Variants in PLK2 observed in about 807,000 individuals in gnomAD.
PLK2 encodes the protein serine/threonine-protein kinase PLK2.
PLK2 carries 25 observed loss-of-function variants against 78.1 expected under a neutral mutation model. The observed-to-expected ratio is 0.32, with a 90% CI of 0.23 to 0.45. PLK2 has a LOEUF of 0.45. PLK2 is among the 20% of genes least tolerant of loss of function. The pLI is 1.00. For missense variants in PLK2, 566 were observed against 840.2 expected (o/e 0.67, Z 4.04); for synonymous variants, 332 against 298.2 (o/e 1.11, Z -1.17).
At position 58,457,219 on chromosome 5, in the gene PLK2, T is replaced by A; in HGVS notation, c.970A>T (p.Ser324Cys). ...MLSKNPEDRP[S>C]LDDIIRHDFF... ...TCATGTCGAATGATGTCATCCAAAC[T>A]GGGACGATCCTCTGGGTTTTTGGAC... The change falls in exon 7 of 14, where the codon AGT becomes TGT. Residue 324 changes from serine (S) to cysteine (C), a missense_variant. By Grantham distance (112) the Ser-to-Cys change is moderately radical. Transcript: ENST00000274289. 1 of 1,614,062 alleles carries A rather than the reference T, an allele frequency of 6.2e-7. No individual in the cohort carries two copies.
chr5:58,457,835 C>A (rs1743649632), intron 5 of PLK2: 2 of 589,086 alleles, frequency 3.4e-6, no homozygotes, highest in Admixed American at 6.2e-5. Flanking sequence ...CCAACTAAAG[C>A]CAGGGACGTC....
In PLK2 at chr5:58,454,338, G is replaced by GA. The variant is rs969221680; in HGVS notation, c.*244dup. 28 of 380,776 alleles carry GA rather than the reference G, an allele frequency of 7.4e-5. No homozygotes were observed. The highest frequency in any genetic ancestry group is 5.5e-4 in the African/African-American group (27 of 48,834). The allele number at this position is 380,776 out of a possible 1,614,324, so 23.6% of individuals were successfully genotyped here. On this transcript the variant is annotated 3_prime_UTR_variant, in exon 14 of 14. Coordinates refer to ENST00000274289, the MANE Select transcript of PLK2 (RefSeq NM_006622.4). ...AATGCACCTTTCTGCAAAATTGTCT[G>GA]AAAAACCTTTTAAAACAGGTATCTC...
chr5:58,456,151 A>G lies in PLK2; in HGVS notation c.1259T>C (p.Leu420Pro), dbSNP rs1743597169. Residue 420 changes from leucine to proline, a missense_variant, in exon 10 of 14, where the codon CTC becomes CCC. Around this residue, in one of 5 missense-constraint regions of PLK2, gnomAD observed 129 missense variants for 156.0 expected, o/e 0.83. Coordinates refer to ENST00000274289, the MANE Select transcript of PLK2 (RefSeq NM_006622.4). The stretch of plus-strand genomic sequence containing the variant: ...GGCAACTGTGGTGGTAGGTGGCTGG[A>G]GCTCCTTAGAAGAGAGAAGATTTAT... ...QPSKHRTDEE[L>P]QPPTTTVARS... 1.2e-6 allele frequency: 2 copies of G among 1,612,850 alleles called. No homozygotes were observed. Among genetic ancestry groups the G allele is most frequent in the South Asian group, 2.2e-5 (2 of 90,810 alleles).
In PLK2 at chr5:58,456,483, C is replaced by A. The variant is rs764502921; in HGVS notation, c.1254+9G>T. 5.1e-6 allele frequency: 8 copies of A among 1,558,550 alleles called. No homozygotes were observed. Among genetic ancestry groups the A allele is most frequent in the Non-Finnish European group, 7.1e-6 (8 of 1,133,178 alleles). On this transcript the variant is annotated intron_variant, in intron 9 of 13. Coordinates refer to ENST00000274289, the MANE Select transcript of PLK2 (RefSeq NM_006622.4). ...GCGTGAGTATCTACTTTACTCTTTC[C>A]CAACACACCTCATCTGTCCTGTGTT... is the stretch of plus-strand genomic sequence containing the variant.
At position 58,459,162 on chromosome 5, in the gene PLK2, T is replaced by C. The variant is rs1355742141; in HGVS notation, c.271-70A>G. 6 of 751,090 alleles carry C rather than the reference T, an allele frequency of 8.0e-6. No homozygotes were observed. In the Admixed American group the frequency reaches 1.4e-4, roughly 17 times the overall value. 46.5% of individuals were successfully genotyped at this position (751,090 alleles called of 1,614,324 possible). On this transcript the variant is annotated intron_variant, in intron 1 of 13. Coordinates refer to ENST00000274289, the MANE Select transcript of PLK2 (RefSeq NM_006622.4). ...ATGGACGGCAGATATTTTAAATAAA[T>C]AAATAAATGGGAAGAAAGAAAAGCA... is the stretch of plus-strand genomic sequence containing the variant.
Position 58,459,079 on chromosome 5 carries a change from T to C in PLK2, c.284A>G (p.Lys95Arg), listed in dbSNP as rs745496760. ...GKVLGKGGFA[K>R]CYEMTDLTNN... is the part of the protein sequence containing the mutation. ...TGTCAAATCTGTCATCTCGTAACAT[T>C]TTGCAAAGCCACCCTGAAAGGAAAC... The change falls in exon 2 of 14, where the codon AAA (lysine) becomes AGA (arginine). Residue 95 changes from lysine to arginine, a missense_variant. By Grantham distance (26) the Lys-to-Arg change is conservative. This residue lies in a region of PLK2 where 179 missense variants were observed against 342.3 expected (regional missense o/e 0.52). Coordinates refer to ENST00000274289, the MANE Select transcript of PLK2 (RefSeq NM_006622.4). 6.2e-7 allele frequency: 1 copy of C among 1,606,130 alleles called. No individual in the cohort carries two copies. The highest frequency in any genetic ancestry group is 1.3e-5 in the African/African-American group (1 of 74,646).
intron 1 of PLK2, 57 bp downstream of exon 1, chr5:58,459,633 G>C: frequency 7.0e-7 from 1 of 1,435,992 alleles, no homozygotes; most frequent in Non-Finnish European, 9.2e-7. Flanking sequence ...GCCCGGCTTG[G>C]GGTCGCCCGG....
At chr5:58,457,786 C>T in intron 5 of PLK2, 1 of 593,026 alleles carries the variant, frequency 1.7e-6, no homozygotes, top group Non-Finnish European at 3.0e-6. Context: ...TTTAAAAATG[C>T]ACACACGTTG....
At chr5:58,458,350 G>A in intron 4 of PLK2, 49 bp downstream of exon 4, 2 of 1,594,818 alleles carry the variant, frequency 1.3e-6, no homozygotes, top group South Asian at 2.2e-5. Flanking sequence ...AACAGAGAGA[G>A]AAAAAAGAAC....
At chr5:58,456,839 G>A (rs560017286) in intron 8 of PLK2, 106 bp downstream of exon 8, 96 of 726,914 alleles carry the variant, frequency 1.3e-4, no homozygotes, top group Admixed American at 1.4e-4. Context: ...TTAAGAATAC[G>A]CAAATATGGC....
Position 58,458,076 on chromosome 5 carries a change from A to T in PLK2, c.713+8T>A. On this transcript the variant is annotated splice_region_variant and intron_variant, in intron 5 of 13. Transcript: ENST00000274289. ...AAGTCTACTAGGATGCATCTTTCTG[A>T]CTCTTACCTCCTTCTGTGTTCCAAG... 1 of 1,593,270 alleles carries T rather than the reference A, an allele frequency of 6.3e-7. No individual in the cohort carries two copies. Among genetic ancestry groups the T allele is most frequent in the Non-Finnish European group, 8.6e-7 (1 of 1,161,158 alleles).
At chr5:58,457,800 T>C in intron 5 of PLK2, 1 of 592,774 alleles carries the variant, frequency 1.7e-6, no homozygotes, top group Non-Finnish European at 3.0e-6. Context: ...CACGTTGTTT[T>C]AGCCCACATG....
At chr5:58,458,054 T>G in intron 5 of PLK2, 30 bp downstream of exon 5, 1 of 1,399,390 alleles carries the variant, frequency 7.1e-7, no homozygotes, top group East Asian at 2.3e-5. Context: ...TCCACAAAAG[T>G]CTACTAGGAT....
Position 58,454,896 on chromosome 5 carries a change from G to C in PLK2, c.1866+15C>G. The C allele has an allele frequency of 6.4e-7, 1 of 1,553,268 alleles. No homozygotes were observed. The highest frequency in any genetic ancestry group is 2.2e-5 in the East Asian group (1 of 44,568). On this transcript the variant is annotated intron_variant, in intron 13 of 13. Coordinates refer to ENST00000274289, the MANE Select transcript of PLK2 (RefSeq NM_006622.4). Reference sequence around the variant, plus strand: ...TTAGGACCTAAACGTGCACTTTCCTGAAGAGTTCATTTACCTGAAAGGTGC... The same window carrying C: ...TTAGGACCTAAACGTGCACTTTCCTCAAGAGTTCATTTACCTGAAAGGTGC...
chr5:58,458,935 G>C (rs1435832560), intron 2 of PLK2, 50 bp downstream of exon 2: 1 of 1,331,950 alleles, frequency 7.5e-7, no homozygotes, highest in South Asian at 1.2e-5. Context: ...TAACAGGGAA[G>C]GGCCATCCTT....
In PLK2 at chr5:58,458,975, T is replaced by C; in HGVS notation, c.378+10A>G. ...ACAAAGAAAATACTTTACTCAAGAG[T>C]CATACGCACCTTTTCCCTTTGATGA... On this transcript the variant is annotated intron_variant, in intron 2 of 13. Coordinates refer to ENST00000274289, the MANE Select transcript of PLK2 (RefSeq NM_006622.4). 1 of 1,504,762 alleles carries C rather than the reference T, an allele frequency of 6.6e-7. No homozygotes were observed. The highest frequency in any genetic ancestry group is 9.3e-7 in the Non-Finnish European group (1 of 1,081,022). 93.2% of individuals were successfully genotyped at this position (1,504,762 alleles called of 1,614,324 possible). A position where few individuals can be genotyped will look rare whatever the true frequency, so the allele number is the denominator to read the frequency against.
chr5:58,459,387 A>G, intron 1 of PLK2: 1 of 562,422 alleles, frequency 1.8e-6, no homozygotes, highest in Non-Finnish European at 3.1e-6. Flanking sequence ...CTTGTCAGGA[A>G]AATTCCCTGG....
intron 10 of PLK2, 44 bp downstream of exon 10, chr5:58,455,982 C>T: frequency 6.3e-7 from 1 of 1,588,640 alleles, no homozygotes. Context: ...TTAGCACTGG[C>T]ATTTCGAGTT....
rs1579966577 is a variant in PLK2, at chr5:58,459,763, C to T, written c.197G>A (p.Gly66Glu). 1 of 1,607,590 alleles carries T rather than the reference C, an allele frequency of 6.2e-7. No homozygotes were observed. The highest frequency in any genetic ancestry group is 8.5e-7 in the Non-Finnish European group (1 of 1,179,598). Residue 66 changes from glycine (G) to glutamate (E), a missense_variant, in exon 1 of 14, where the codon GGG becomes GAG. Physicochemically the swap from Gly to Glu is moderately conservative, Grantham distance 98 (BLOSUM62 -2). Around this residue, in one of 5 missense-constraint regions of PLK2, gnomAD observed 127 missense variants for 122.5 expected, o/e 1.04. Transcript: ENST00000274289. ...GACGATAATCCGCGAGATCTCCGGC[C>T]CCGAGTGCGAATGGTGGTGATGGTG... ...PHHHHHHSHS[G>E]PEISRIIVDP...
Sources: allele counts gnomAD v4.1 joint callset, GRCh38; gene constraint gnomAD v4.1.1; regional missense constraint gnomAD v4.1.1; transcripts MANE v1.5; gene names NCBI Gene and HGNC (gene_info 2026-07-23, HGNC 2026-07-21).